The following TENM1 variants were observed in gnomAD, a reference collection of about 807,000 sequenced individuals.
TENM1 encodes the protein teneurin transmembrane protein 1, also known as teneurin-1.
In TENM1, 35 loss-of-function variants were observed where a neutral mutation model predicts 174.8. That is an observed-to-expected ratio of 0.20 (90% confidence interval 0.15 to 0.27). TENM1 has a LOEUF of 0.27. Ranked by LOEUF, TENM1 falls within the 10% of genes least tolerant of loss-of-function variation. The pLI, the probability that TENM1 is intolerant of heterozygous loss-of-function variation, is 1.00. For synonymous variants in TENM1, 781 were observed against 798.7 expected, an observed-to-expected ratio of 0.98 and a Z score of 0.37; for missense variants, 1,633 against 2,130.1, an observed-to-expected ratio of 0.77 and a Z score of 4.59.
rs188965704 is a variant in TENM1 at position 124,909,056 on chromosome X, G to A, written c.218-12815C>T. The stretch of plus-strand genomic sequence containing the variant: ...GTACTTTTAGTAGAGACGTGGTTTC[G>A]CCATATTGGCCAGGCTGGTCTCGAA... On this transcript the variant is annotated intron_variant, in intron 1 of 31. Coordinates refer to ENST00000422452, the Ensembl canonical transcript of TENM1. 6.1e-3 allele frequency among the ~76,000 whole-genome samples: 682 copies of A among 111,155 alleles called. 5 individuals are homozygous for A. Among genetic ancestry groups the A allele is most frequent in the Non-Finnish European group, 0.01 (551 of 52,950 alleles).
rs896516017 is a variant in TENM1 at position 124,933,100 on chromosome X, T to C, written c.217+30437A>G. 3.6e-5 allele frequency among the ~76,000 whole-genome samples: 4 copies of C among 111,972 alleles called. 1 individual carries two copies. Among genetic ancestry groups the C allele is most frequent in the African/African-American group, 3.2e-5 (1 of 30,798 alleles). On this transcript the variant is annotated intron_variant, in intron 1 of 31. Coordinates refer to ENST00000422452, the Ensembl canonical transcript of TENM1. ...ATCTTAAAACCAAATCCTCCAACTC[T>C]ATAGCTCCAACTTTTGATTATTCAT...
chrX:125,026,580 G>A, the TENM1 span, among the ~76,000 whole-genome samples: 4 of 111,408 alleles, frequency 3.6e-5, no homozygotes, highest in Non-Finnish European at 7.5e-5. Context: ...ATCTGACAAG[G>A]GCAATTTGGA....
At chrX:125,095,962 G>A in the TENM1 span, among the ~76,000 whole-genome samples, 3 of 111,727 alleles carry the variant, frequency 2.7e-5, no homozygotes, top group Admixed American at 1.9e-4. Context: ...TGGATTATTG[G>A]AAACTCTCTT....
intron 18 of TENM1, among the ~76,000 whole-genome samples, chrX:124,511,385 GATT>G (rs1480657031): frequency 8.9e-6 from 1 of 111,827 alleles, no homozygotes; most frequent in Non-Finnish European, 1.9e-5. Context: ...AATGATGAAA[GATT>G]ATTATCTCTG....
At chrX:124,601,526 G>A (rs1395567177) in intron 11 of TENM1, among the ~76,000 whole-genome samples, 3 of 111,469 alleles carry the variant, frequency 2.7e-5, no homozygotes, top group African/African-American at 3.3e-5. Context: ...GGCATCCATT[G>A]AGAATGAATG....
chrX:125,048,243 A>ATTTTTTTT, the TENM1 span, among the ~76,000 whole-genome samples: 3 of 64,214 alleles, frequency 4.7e-5, no homozygotes, highest in Admixed American at 1.9e-4. Context: ...GTTTCGAAGC[A>ATTTTTTTT]TTTTTTTTTT....
exon 24 of TENM1, chrX:124,422,449 G>A: frequency 8.3e-7 from 1 of 1,211,244 alleles, no homozygotes. Context: ...GCTGACTCTA[G>A]AGTGGAGTGA....
chrX:125,018,321 G>C, the TENM1 span, among the ~76,000 whole-genome samples: 1 of 111,351 alleles, frequency 9.0e-6, no homozygotes, highest in African/African-American at 3.3e-5. Flanking sequence ...TTTGGCTTGA[G>C]AGCATTTGTT....
chrX:124,586,514 A>C (rs765895325), intron 11 of TENM1, among the ~76,000 whole-genome samples: 1 of 111,610 alleles, frequency 9.0e-6, no homozygotes, highest in South Asian at 3.8e-4. Context: ...CTCTCAATAA[A>C]CTAGGTGTTG....
chrX:124,874,317 A>C (rs1169675375), intron 3 of TENM1, among the ~76,000 whole-genome samples: 1 of 111,464 alleles, frequency 9.0e-6, no homozygotes, highest in African/African-American at 3.2e-5. Flanking sequence ...TAAATGATAA[A>C]ATTTAGTTCA....
At chrX:124,471,298 TTATAA>T (rs1238661380) in intron 22 of TENM1, among the ~76,000 whole-genome samples, 1 of 24,672 alleles carries the variant, frequency 4.1e-5, no homozygotes, top group African/African-American at 1.9e-4. Context: ...GTACTATATA[TTATAA>T]TATATAGTAC....
At chrX:124,928,664 C>T (rs1395360584) in intron 1 of TENM1, among the ~76,000 whole-genome samples, 1 of 111,850 alleles carries the variant, frequency 8.9e-6, no homozygotes, top group Admixed American at 9.5e-5. Flanking sequence ...TAAAAAACAA[C>T]GGGAATCTAG....
intron 3 of TENM1, among the ~76,000 whole-genome samples, chrX:124,820,192 T>G: frequency 9.0e-6 from 1 of 111,634 alleles, no homozygotes; most frequent in East Asian, 2.8e-4. Context: ...ATTTCAATTC[T>G]TCCCGGTCTC....
the TENM1 span, among the ~76,000 whole-genome samples, chrX:125,075,066 A>G: frequency 9.0e-6 from 1 of 111,729 alleles, no homozygotes; most frequent in African/African-American, 3.3e-5. Context: ...GCTTTAGGAT[A>G]TTTACATTGG....
the TENM1 span, among the ~76,000 whole-genome samples, chrX:125,141,759 T>A: frequency 9.0e-6 from 1 of 111,503 alleles, no homozygotes; most frequent in Admixed American, 9.5e-5. Context: ...GTCAAGTGCA[T>A]CTCTATACAT....
the TENM1 span, among the ~76,000 whole-genome samples, chrX:125,149,948 A>G: frequency 9.0e-6 from 1 of 111,544 alleles, no homozygotes; most frequent in Non-Finnish European, 1.9e-5. Context: ...TTGGAGCCTA[A>G]TTAGACTATT....
At chrX:125,023,652 T>C in the TENM1 span, among the ~76,000 whole-genome samples, 1 of 109,180 alleles carries the variant, frequency 9.2e-6, no homozygotes, top group Non-Finnish European at 1.9e-5. Flanking sequence ...AGGACCATGG[T>C]GGAAAGAATA....
At chrX:124,726,910 C>G (rs2053453788) in intron 4 of TENM1, among the ~76,000 whole-genome samples, 1 of 111,813 alleles carries the variant, frequency 8.9e-6, no homozygotes, top group Non-Finnish European at 1.9e-5. Flanking sequence ...TCTTTTTTCC[C>G]CAAGATAGAA....
In TENM1 at chrX:124,887,067, A is replaced by C. The variant is rs1428382007; in HGVS notation, c.535+7229T>G. On this transcript the variant is annotated intron_variant, in intron 3 of 31. Coordinates refer to ENST00000422452, the Ensembl canonical transcript of TENM1. ...TCTTTTTTAAGGGGGAAATTTGGTA[A>C]TATCTAAACAAACATTAAATGCATA... Among the ~76,000 whole-genome samples, 3 of 110,898 alleles carry C rather than the reference A, an allele frequency of 2.7e-5. No homozygotes were observed. In the South Asian group the frequency reaches 1.1e-3, roughly 42 times the overall value.
Sources: gnomAD v4.1 joint callset for allele counts (sites outside exome capture counted in the v4.1 genomes callset) on GRCh38, gnomAD v4.1.1 for gene constraint, MANE v1.5 for transcripts, NCBI Gene and HGNC (gene_info 2026-07-23, HGNC 2026-07-21) for gene names.